The following CPNE5 variants were observed in gnomAD, a reference collection of about 807,000 sequenced individuals.
The protein encoded by CPNE5 is copine 5, also known as copine-5.
A neutral mutation model predicts 81.1 loss-of-function variants in CPNE5; 42 were observed. The observed-to-expected ratio is 0.52, with a 90% CI of 0.40 to 0.67. The LOEUF is 0.67. CPNE5 is among the 30% of genes least tolerant of loss of function. The probability of loss-of-function intolerance (pLI) is 0.00; values close to 1 mark genes in which losing one functional copy is unlikely to be tolerated. For synonymous variants in CPNE5, 313 were observed against 321.5 expected (o/e 0.97, Z 0.28); for missense variants, 612 against 815.5 (o/e 0.75, Z 3.04).
intron 9 of CPNE5, 89 bp downstream of exon 9, chr6:36,778,765 C>T: frequency 1.1e-6 from 1 of 920,190 alleles, no homozygotes; most frequent in Admixed American, 1.8e-5. Context: ...GCCCAAGCCA[C>T]CCTGCCTGGC....
intron 8 of CPNE5, among the ~76,000 whole-genome samples, chr6:36,789,212 C>T (rs1046217494): frequency 6.6e-6 from 1 of 152,196 alleles, no homozygotes; most frequent in African/African-American, 2.4e-5. Flanking sequence ...GCGCTCCCTG[C>T]CCCCGACATA....
rs1766616399 is a variant in CPNE5 at position 36,766,997 on chromosome 6, G to C, written c.738-1621C>G. Among the ~76,000 whole-genome samples, 1 of 152,150 alleles carries C rather than the reference G, an allele frequency of 6.6e-6. No individual in the cohort carries two copies. The highest frequency in any genetic ancestry group is 1.5e-5 in the Non-Finnish European group (1 of 68,032). On this transcript the variant is annotated intron_variant, in intron 10 of 20. Transcript: ENST00000244751. The surrounding 1 kb of genome is among the most constrained non-coding windows in gnomAD (Gnocchi z 4.2). ...ACCCTCCCAAGTGTCTGGGATTACAGGCATGAGCCACCACACCTGGCTAAT... is the reference window on the plus strand; with the variant it reads ...ACCCTCCCAAGTGTCTGGGATTACACGCATGAGCCACCACACCTGGCTAAT...
chr6:36,743,169 T>C (rs1354027462), intron 20 of CPNE5: 12 of 985,330 alleles, frequency 1.2e-5, no homozygotes, highest in Non-Finnish European at 1.2e-5. Flanking sequence ...GGGCCTCCTC[T>C]GCAGGGGATG....
intron 10 of CPNE5, among the ~76,000 whole-genome samples, chr6:36,767,884 G>A (rs1011721997): frequency 1.4e-4 from 21 of 152,196 alleles, no homozygotes; most frequent in African/African-American, 5.1e-4. Context: ...TTGCAATTTG[G>A]AATCCCCCCA....
intron 11 of CPNE5, among the ~76,000 whole-genome samples, chr6:36,763,523 A>C (rs1356517906): frequency 1.3e-5 from 2 of 151,334 alleles, no homozygotes; most frequent in East Asian, 3.9e-4. Flanking sequence ...GAATCGCTTG[A>C]ACCCAGGAGG....
At chr6:36,772,113 C>G (rs1451158426) in intron 10 of CPNE5, among the ~76,000 whole-genome samples, 1 of 152,170 alleles carries the variant, frequency 6.6e-6, no homozygotes, top group African/African-American at 2.4e-5. Flanking sequence ...TCCTGCAACC[C>G]TGGGAGCTCC....
intron 3 of CPNE5, among the ~76,000 whole-genome samples, chr6:36,810,158 C>T (rs1770972270): frequency 1.3e-5 from 2 of 152,010 alleles, no homozygotes; most frequent in Non-Finnish European, 2.9e-5. Flanking sequence ...TCTCTGCAAG[C>T]CTGAACAATC....
intron 3 of CPNE5, among the ~76,000 whole-genome samples, chr6:36,818,423 C>T (rs1771750527): frequency 6.6e-6 from 1 of 152,188 alleles, no homozygotes. Context: ...ACCCATCTCC[C>T]TATTTTCCCC....
intron 18 of CPNE5, among the ~76,000 whole-genome samples, chr6:36,744,689 G>A (rs536267358): frequency 3.5e-4 from 53 of 152,210 alleles, no homozygotes; most frequent in Non-Finnish European, 7.1e-4. Flanking sequence ...GGCCAGGCTG[G>A]CCTGGGAAAG....
At chr6:36,764,781 A>G (rs1021613263) in intron 11 of CPNE5, among the ~76,000 whole-genome samples, 1 of 152,008 alleles carries the variant, frequency 6.6e-6, no homozygotes, top group Admixed American at 6.6e-5. Context: ...CTCCCTTCCC[A>G]CAGCCCATTC....
intron 7 of CPNE5, among the ~76,000 whole-genome samples, chr6:36,794,286 G>A (rs559646227): frequency 6.6e-6 from 1 of 152,116 alleles, no homozygotes; most frequent in Admixed American, 6.5e-5. Flanking sequence ...GCCCAGCCCC[G>A]CTATTCATAG....
In CPNE5 at chr6:36,775,054, C is replaced by G; in HGVS notation, c.644G>C (p.Cys215Ser). 6.2e-7 allele frequency: 1 copy of G among 1,613,994 alleles called. No homozygotes were observed. The highest frequency in any genetic ancestry group is 8.5e-7 in the Non-Finnish European group (1 of 1,179,882). The change falls in exon 10 of 21, where the codon TGC (cysteine) becomes TCC (serine). Residue 215 changes from cysteine (C) to serine (S), a missense_variant. By Grantham distance (112) the Cys-to-Ser change is moderately radical. Transcript: ENST00000244751. ...GTTCTTCATGACCTCGGTCTTGTGG[C>G]AAATGGTGAACCTGGTGAAGAAGAA... is the stretch of plus-strand genomic sequence containing the variant. ...RSNEDGTFTI[C>S]HKTEVMKNTL...
chr6:36,744,349 G>A (rs1391136097), intron 18 of CPNE5, 24 bp from the exon 19 acceptor site: 1 of 1,567,068 alleles, frequency 6.4e-7, no homozygotes, highest in East Asian at 2.3e-5. Context: ...TGGGGGGCAG[G>A]GAAAGGTTGG....
At position 36,778,978 on chromosome 6, in the gene CPNE5, C is replaced by T. The variant is rs370817226; in HGVS notation, c.529-21G>A. ...ACATCCTGGTGGGAGGGAGGGAGAACGGGGTGTGAGGCAGGAGAAAGTGGA... is the reference window on the plus strand; with the variant it reads ...ACATCCTGGTGGGAGGGAGGGAGAATGGGGTGTGAGGCAGGAGAAAGTGGA... On this transcript the variant is annotated intron_variant, in intron 8 of 20. Coordinates refer to ENST00000244751, the MANE Select transcript of CPNE5 (RefSeq NM_020939.2). 4.8e-4 allele frequency: 730 copies of T among 1,535,112 alleles called. 7 individuals are homozygous for T. In the Middle Eastern group the frequency reaches 8.5e-3, roughly 18 times the overall value.
intron 9 of CPNE5, among the ~76,000 whole-genome samples, chr6:36,776,615 G>T (rs1767529120): frequency 6.6e-6 from 1 of 152,094 alleles, no homozygotes; most frequent in Non-Finnish European, 1.5e-5. Context: ...GCCCTGCTAG[G>T]CTCCAAATAC....
intron 8 of CPNE5, among the ~76,000 whole-genome samples, chr6:36,790,026 A>T (rs4711465): frequency 6.6e-6 from 1 of 151,912 alleles, no homozygotes; most frequent in Non-Finnish European, 1.5e-5. Context: ...TTGTAACACC[A>T]CAGTCCAGTG....
chr6:36,763,560 G>C (rs182319042), intron 11 of CPNE5, among the ~76,000 whole-genome samples: 1 of 147,336 alleles, frequency 6.8e-6, no homozygotes, highest in East Asian at 2.0e-4. Flanking sequence ...CTGAGATTGT[G>C]TCACTGCACT....
intron 1 of CPNE5, 42 bp from the exon 2 acceptor site, chr6:36,823,140 A>T (rs1682122693): frequency 1.3e-6 from 2 of 1,490,698 alleles, no homozygotes; most frequent in South Asian, 1.4e-5. Flanking sequence ...CGGCCAGCTG[A>T]GAGGAGGCGA....
intron 3 of CPNE5, among the ~76,000 whole-genome samples, chr6:36,810,603 A>G (rs1267533398): frequency 6.6e-6 from 1 of 152,116 alleles, no homozygotes; most frequent in African/African-American, 2.4e-5. Flanking sequence ...GGGCCTGGGG[A>G]GGCGGAGGAG....
Sources: gnomAD v4.1 joint callset for allele counts (sites outside exome capture counted in the v4.1 genomes callset) on GRCh38, gnomAD v4.1.1 for gene constraint, Gnocchi (gnomAD v3.1) non-coding constraint, MANE v1.5 for transcripts, NCBI Gene and HGNC (gene_info 2026-07-23, HGNC 2026-07-21) for gene names.